The following GSE1 variants were observed in gnomAD, a reference collection of about 807,000 sequenced individuals.
The protein encoded by GSE1 is Gse1 coiled-coil protein.
GSE1 carries 32 observed loss-of-function variants against 112.6 expected under a neutral mutation model. That is an observed-to-expected ratio of 0.28 (90% CI 0.21 to 0.38). The LOEUF (loss-of-function observed/expected upper bound fraction) is 0.38. Ranked by LOEUF, GSE1 falls within the 10% of genes least tolerant of loss-of-function variation. The probability of loss-of-function intolerance (pLI) is 1.00; values close to 1 mark genes in which losing one functional copy is unlikely to be tolerated. For synonymous variants in GSE1, 1,115 were observed against 735.6 expected, an observed-to-expected ratio of 1.52 and a Z score of -8.35; for missense variants, 2,348 against 1,699.2, an observed-to-expected ratio of 1.38 and a Z score of -6.71.
chr16:85,482,871 G>C lies in GSE1; in HGVS notation c.2464+125228G>C, dbSNP rs144972631. 8.5e-5 allele frequency among the ~76,000 whole-genome samples: 13 copies of C among 152,122 alleles called. No homozygotes were observed. The East Asian group carries it at 2.5e-3, about 29-fold the overall frequency. ...AGGGTGCCTGTAATCTCAGCTCCTT[G>C]GGAGGCTGAGGCAGGAGAATCGCTT... is the stretch of plus-strand genomic sequence containing the variant. On this transcript the variant is annotated intron_variant, in intron 2 of 2. Transcript: ENST00000637419.
At chr16:85,225,442 A>C (rs1326114543) in intron 1 of GSE1, among the ~76,000 whole-genome samples, 3 of 152,154 alleles carry the variant, frequency 2.0e-5, no homozygotes, top group Non-Finnish European at 4.4e-5. Flanking sequence ...CAGTGAGCAC[A>C]GGGGCTTTGT....
At chr16:85,248,384 T>A (rs1053598740) in intron 1 of GSE1, among the ~76,000 whole-genome samples, 1 of 152,118 alleles carries the variant, frequency 6.6e-6, no homozygotes, top group Non-Finnish European at 1.5e-5. Context: ...ATCTCTCCCC[T>A]TTTTTCCCTC....
intron 1 of GSE1, among the ~76,000 whole-genome samples, chr16:85,225,012 C>T (rs2075459658): frequency 6.6e-6 from 1 of 151,990 alleles, no homozygotes; most frequent in African/African-American, 2.4e-5. Flanking sequence ...GTGCCTGTAG[C>T]CCCAGCTACG....
chr16:85,554,850 G>A (rs1051283398), upstream of GSE1: 17 of 984,236 alleles, frequency 1.7e-5, no homozygotes, highest in Non-Finnish European at 2.1e-5. Context: ...CCGGAGGGGG[G>A]GCCAGCGGCG....
At chr16:85,533,394 T>A (rs1490062856) in intron 2 of GSE1, among the ~76,000 whole-genome samples, 4 of 152,134 alleles carry the variant, frequency 2.6e-5, no homozygotes, top group African/African-American at 9.7e-5. Flanking sequence ...CACTCCAGCC[T>A]GGGCGACACA....
At position 85,656,639 on chromosome 16, in the gene GSE1, C is replaced by T. The variant is rs144142825; in HGVS notation, c.1286C>T (p.Ser429Leu). 1.2e-5 allele frequency: 18 copies of T among 1,532,998 alleles called. No individual in the cohort carries two copies. The highest frequency in any genetic ancestry group is 8.3e-5 in the African/African-American group (6 of 72,680). The allele number at this position is 1,532,998 out of a possible 1,614,324, so 95.0% of individuals were successfully genotyped here. ...GHATEERGKP[S>L]EQLTPTRAEK... is the part of the protein sequence containing the mutation. ...GCCACTGAGGAGCGGGGCAAGCCCT[C>T]GGAGCAGCTGACCCCAACCCGAGCA... The change falls in exon 7 of 16, where the codon TCG (serine) becomes TTG (leucine). Residue 429 changes from serine (S) to leucine (L), a missense_variant. Coordinates refer to ENST00000253458, the MANE Select transcript of GSE1 (RefSeq NM_014615.5).
upstream of GSE1, chr16:85,555,608 C>G: frequency 4.1e-6 from 4 of 964,076 alleles, no homozygotes; most frequent in Non-Finnish European, 4.9e-6. Context: ...CCCTCCTCAC[C>G]CAGTAGCTAA....
At chr16:85,243,647 G>A (rs567170116) in intron 1 of GSE1, among the ~76,000 whole-genome samples, 3 of 152,334 alleles carry the variant, frequency 2.0e-5, no homozygotes, top group Admixed American at 1.3e-4. Context: ...GGAGGAGCAC[G>A]GAGCAGGCTT....
chr16:85,419,837 G>T lies in GSE1; in HGVS notation c.2464+62194G>T, dbSNP rs1436266723. On this transcript the variant is annotated intron_variant, in intron 2 of 2. Coordinates refer to the GSE1 transcript ENST00000637419. The surrounding 1 kb of genome is among the most constrained non-coding windows in gnomAD (Gnocchi z 6.5). ...TGCAGGGCCAGCCAGGAACTCCACA[G>T]GTGAAGTGGAGTGGGCAGCCAGGGC... 6.7e-6 allele frequency among the ~76,000 whole-genome samples: 1 copy of T among 148,596 alleles called. No individual in the cohort carries two copies. Among genetic ancestry groups the T allele is most frequent in the African/African-American group, 2.5e-5 (1 of 40,652 alleles).
At chr16:85,650,177 G>A (rs893253291) in intron 3 of GSE1, among the ~76,000 whole-genome samples, 2 of 152,162 alleles carry the variant, frequency 1.3e-5, no homozygotes, top group Non-Finnish European at 2.9e-5. Context: ...TGGCCACAGG[G>A]GCCTCCACAC....
At chr16:85,614,513 C>T (rs533768188) in intron 1 of GSE1, among the ~76,000 whole-genome samples, 57 of 152,218 alleles carry the variant, frequency 3.7e-4, no homozygotes, top group African/African-American at 1.3e-3. Flanking sequence ...GAGGGGGTTC[C>T]CAGATGGGGG....
intron 14 of GSE1, 27 bp from the exon 15 acceptor site, chr16:85,670,968 A>C: frequency 6.9e-7 from 1 of 1,440,806 alleles, no homozygotes; most frequent in Non-Finnish European, 9.8e-7. Context: ...CATACGGAAA[A>C]TACATCACCA....
chr16:85,392,651 T>G (rs1189304454), intron 2 of GSE1, among the ~76,000 whole-genome samples: 1 of 152,268 alleles, frequency 6.6e-6, no homozygotes, highest in East Asian at 1.9e-4. Context: ...GAGTCCTATA[T>G]TTTATCAGGC....
At chr16:85,613,309 G>C (rs1318362939), upstream of GSE1, 2 of 1,545,022 alleles carry the variant, frequency 1.3e-6, no homozygotes, top group Non-Finnish European at 8.7e-7. Context: ...GAGCAGCCCC[G>C]GGTGAGATAA....
At chr16:85,186,333 G>A (rs371493021) in intron 1 of GSE1, among the ~76,000 whole-genome samples, 1 of 151,990 alleles carries the variant, frequency 6.6e-6, no homozygotes, top group Non-Finnish European at 1.5e-5. Context: ...GTCCGGGTGC[G>A]GTCGCTCACA....
At chr16:85,261,750 G>A (rs910238597) in intron 1 of GSE1, among the ~76,000 whole-genome samples, 5 of 152,212 alleles carry the variant, frequency 3.3e-5, no homozygotes, top group Admixed American at 1.3e-4. Flanking sequence ...TGCACGCTAA[G>A]CACTTTGTAT....
intron 14 of GSE1, among the ~76,000 whole-genome samples, chr16:85,669,687 T>C (rs2053168665): frequency 6.6e-6 from 1 of 152,248 alleles, no homozygotes; most frequent in African/African-American, 2.4e-5. Flanking sequence ...ATTATTTCCA[T>C]ACCCCATGGC....
chr16:85,428,983 G>A (rs28420631), intron 2 of GSE1, among the ~76,000 whole-genome samples: 8,541 of 152,210 alleles, frequency 0.056, 447 homozygotes, highest in East Asian at 0.3. Context: ...AGCCACCTTG[G>A]AGAATCTCAG....
chr16:85,201,234 A>G (rs1186701401), intron 1 of GSE1, among the ~76,000 whole-genome samples: 1 of 151,854 alleles, frequency 6.6e-6, no homozygotes, highest in Non-Finnish European at 1.5e-5. Context: ...CACCACACCC[A>G]GCTATTTTGT....
Sources: gnomAD v4.1 joint callset for allele counts (sites outside exome capture counted in the v4.1 genomes callset) on GRCh38, gnomAD v4.1.1 for gene constraint, Gnocchi (gnomAD v3.1) non-coding constraint, MANE v1.5 for transcripts, NCBI Gene and HGNC (gene_info 2026-07-23, HGNC 2026-07-21) for gene names.